The following MTDH variants were observed in gnomAD, a reference collection of about 807,000 sequenced individuals.
MTDH encodes protein LYRIC.
A neutral mutation model predicts 72.7 loss-of-function variants in MTDH; 34 were observed. The ratio of observed to expected loss-of-function variants is 0.47; its 90% CI spans 0.36 to 0.62. The LOEUF (loss-of-function observed/expected upper bound fraction) is 0.62. Among genes scored for constraint, MTDH ranks in the 20% least tolerant of loss-of-function variants. The pLI is 0.00. For synonymous variants in MTDH, 266 were observed against 268.9 expected (o/e 0.99, Z 0.10); for missense variants, 677 against 699.4 (o/e 0.97, Z 0.36).
In MTDH at chr8:97,723,001, A is replaced by C. The variant is rs1036749632; in HGVS notation, c.1644A>C (p.Ser548=). 1 of 1,614,026 alleles carries C rather than the reference A, an allele frequency of 6.2e-7. No individual in the cohort carries two copies. Among genetic ancestry groups the C allele is most frequent in the Non-Finnish European group, 8.5e-7 (1 of 1,180,008 alleles). The change falls in exon 11 of 12, where the codon TCA becomes TCC. Residue 548 remains serine, a synonymous_variant. Coordinates refer to ENST00000336273, the MANE Select transcript of MTDH (RefSeq NM_178812.4). ...TACAAGAGACAGATAAATCCAAGTC[A>C]AATACCAAGCAAAATAGTGTGCCTC... is the stretch of plus-strand genomic sequence containing the variant. ...PILQETDKSK[S]NTKQNSVPPS...
chr8:97,656,318 T>C (rs1244856035), intron 1 of MTDH, among the ~76,000 whole-genome samples: 2 of 148,054 alleles, frequency 1.4e-5, no homozygotes, highest in African/African-American at 5.0e-5. Context: ...TTTTTTTTTT[T>C]TTTTTGAGAC....
intron 1 of MTDH, among the ~76,000 whole-genome samples, chr8:97,660,224 C>G (rs1812125149): frequency 6.6e-6 from 1 of 152,186 alleles, no homozygotes. Context: ...ACACTTGAGT[C>G]TACTCATGAG....
chr8:97,646,191 T>G (rs1006345468), intron 1 of MTDH, among the ~76,000 whole-genome samples: 6 of 152,228 alleles, frequency 3.9e-5, no homozygotes, highest in Non-Finnish European at 1.5e-5. Context: ...TAACAAACTC[T>G]AATCTCTAGA....
Position 97,661,111 on chromosome 8 carries a change from G to C in MTDH, c.421G>C (p.Val141Leu). The C allele has an allele frequency of 6.2e-7, 1 of 1,613,306 alleles. No homozygotes were observed. The highest frequency in any genetic ancestry group is 8.5e-7 in the Non-Finnish European group (1 of 1,179,612). ...RTVEVAEGEAVRTPQSVTAKQ... is the reference protein window; with the variant it reads ...RTVEVAEGEALRTPQSVTAKQ... ...TGTTGAAGTGGCTGAGGGTGAAGCT[G>C]TTCGAACACCTCAAAGTGTAACAGC... The change falls in exon 2 of 12, where the codon GTT becomes CTT. Residue 141 changes from valine (V) to leucine (L), a missense_variant. By Grantham distance (32) the Val-to-Leu change is conservative. Transcript: ENST00000336273.
chr8:97,715,342 G>A (rs1020098337), intron 9 of MTDH, among the ~76,000 whole-genome samples: 1 of 151,486 alleles, frequency 6.6e-6, no homozygotes, highest in African/African-American at 2.4e-5. Context: ...TGGCCAGGCT[G>A]GTCTCAAGTG....
intron 1 of MTDH, among the ~76,000 whole-genome samples, chr8:97,660,515 C>G (rs1256341081): frequency 6.6e-6 from 1 of 152,114 alleles, no homozygotes; most frequent in Non-Finnish European, 1.5e-5. Context: ...CCCATAAAAC[C>G]TAAAATAGTT....
At chr8:97,679,122 G>T (rs1308955842) in intron 2 of MTDH, among the ~76,000 whole-genome samples, 1 of 152,098 alleles carries the variant, frequency 6.6e-6, no homozygotes, top group East Asian at 1.9e-4. Flanking sequence ...GATGTGATTT[G>T]GGGGTTGGTT....
rs1708591343 is a variant in MTDH, at chr8:97,725,404, AC to A, written c.*735del. On this transcript the variant is annotated 3_prime_UTR_variant, in exon 12 of 12. Coordinates refer to ENST00000336273, the MANE Select transcript of MTDH (RefSeq NM_178812.4). ...TTTGTTTTATACATTTAAGGCTTAG[AC>A]TCATAAATAATGCTATTGTTTATGA... 1 of 152,556 alleles carries A rather than the reference AC, an allele frequency of 6.6e-6. No individual in the cohort carries two copies. The allele number at this position is 152,556 out of a possible 1,614,324, so 9.5% of individuals were successfully genotyped here.
At chr8:97,720,246 C>T (rs1307022717) in intron 10 of MTDH, among the ~76,000 whole-genome samples, 4 of 152,068 alleles carry the variant, frequency 2.6e-5, no homozygotes, top group Non-Finnish European at 5.9e-5. Flanking sequence ...GATCACGCCA[C>T]TGCACTCCAG....
At chr8:97,655,658 A>G (rs988520841) in intron 1 of MTDH, among the ~76,000 whole-genome samples, 1 of 152,194 alleles carries the variant, frequency 6.6e-6, no homozygotes, top group Non-Finnish European at 1.5e-5. Flanking sequence ...TTTGGAGAGA[A>G]AAGGGTAGAC....
rs1462222825 is a variant in MTDH at position 97,729,078 on chromosome 8, C to T, written c.*4408C>T. Among the ~76,000 whole-genome samples the T allele has an allele frequency of 2.2e-5, 3 of 133,956 alleles. No individual in the cohort carries two copies. The highest frequency in any genetic ancestry group is 9.5e-5 in the African/African-American group (3 of 31,578). 87.9% of individuals were successfully genotyped at this position (133,956 alleles called of 152,430 possible). On this transcript the variant is annotated 3_prime_UTR_variant, in exon 12 of 12. Transcript: ENST00000336273. ...GGGACTACAGGTACACACCACCATG[C>T]CTGGCTAAATTTTTTTTTTTTTTTT...
At chr8:97,664,933 G>T (rs2130941966) in intron 2 of MTDH, among the ~76,000 whole-genome samples, 1 of 152,142 alleles carries the variant, frequency 6.6e-6, no homozygotes, top group African/African-American at 2.4e-5. Context: ...GCTATTTTTT[G>T]TATTTTTAGT....
rs942454320 is a variant in MTDH at position 97,725,079 on chromosome 8, T to C, written c.*409T>C. On this transcript the variant is annotated 3_prime_UTR_variant, in exon 12 of 12. Coordinates refer to ENST00000336273, the MANE Select transcript of MTDH (RefSeq NM_178812.4). ...GATCTTATGCACAGAACTTGTACCA[T>C]TTGAATCTGTTTTATGCTTAAATCA... 1 of 153,758 alleles carries C rather than the reference T, an allele frequency of 6.5e-6. No individual in the cohort carries two copies. Among genetic ancestry groups the C allele is most frequent in the African/African-American group, 2.4e-5 (1 of 41,492 alleles). 9.5% of individuals were successfully genotyped at this position (153,758 alleles called of 1,614,324 possible).
intron 6 of MTDH, among the ~76,000 whole-genome samples, chr8:97,697,293 T>A (rs1813901163): frequency 6.7e-6 from 1 of 149,910 alleles, no homozygotes; most frequent in Admixed American, 6.7e-5. Context: ...CAGCCTCTAT[T>A]GCAGTTACTC....
intron 1 of MTDH, among the ~76,000 whole-genome samples, chr8:97,648,561 A>G (rs111420993): frequency 1.2e-3 from 183 of 150,682 alleles, no homozygotes; most frequent in African/African-American, 4.2e-3. Context: ...GTTATAGCTC[A>G]TAGCTCACTG....
rs1484136180 is a variant in MTDH at position 97,671,550 on chromosome 8, T to G, written c.483+10377T>G. Among the ~76,000 whole-genome samples the G allele has an allele frequency of 2.0e-5, 3 of 152,130 alleles. No homozygotes were observed. In the South Asian group the frequency reaches 6.2e-4, roughly 32 times the overall value. On this transcript the variant is annotated intron_variant, in intron 2 of 11. Coordinates refer to ENST00000336273, the MANE Select transcript of MTDH (RefSeq NM_178812.4). Reference sequence around the variant, plus strand: ...TAAACAATTTCTTAAGTTTGTATGATAGATATAACCCACATAAACAAAGGC... The same window carrying G: ...TAAACAATTTCTTAAGTTTGTATGAGAGATATAACCCACATAAACAAAGGC...
intron 2 of MTDH, among the ~76,000 whole-genome samples, chr8:97,677,541 A>G (rs920101319): frequency 6.6e-6 from 1 of 151,122 alleles, no homozygotes; most frequent in Admixed American, 6.6e-5. Context: ...AGTGGACACT[A>G]TTATTTCTAG....
chr8:97,687,988 A>G (rs1813433778), intron 4 of MTDH, among the ~76,000 whole-genome samples: 1 of 152,198 alleles, frequency 6.6e-6, no homozygotes, highest in African/African-American at 2.4e-5. Context: ...CTTTCATTCC[A>G]AGATGAATCA....
chr8:97,670,952 G>GTTTTTTTTTT (rs1160758851), intron 2 of MTDH, among the ~76,000 whole-genome samples: 9 of 77,990 alleles, frequency 1.2e-4, no homozygotes, highest in Non-Finnish European at 1.9e-4. Flanking sequence ...TGTTGTTGTT[G>GTTTTTTTTTT]TTTTTTTTTT....
Sources: gnomAD v4.1 joint callset for allele counts (sites outside exome capture counted in the v4.1 genomes callset) on GRCh38, gnomAD v4.1.1 for gene constraint, MANE v1.5 for transcripts, NCBI Gene and HGNC (gene_info 2026-07-23, HGNC 2026-07-21) for gene names.